NEBL: variants seen among roughly 807,000 people sequenced by gnomAD.
NEBL encodes LIM and SH3 protein 2.
A neutral mutation model predicts 140.2 loss-of-function variants in NEBL; 122 were observed. That is an observed-to-expected ratio of 0.87 (90% CI 0.75 to 1.01). The LOEUF (loss-of-function observed/expected upper bound fraction) is 1.01, where lower values mean the gene tolerates loss of function less well. Ranked by LOEUF, NEBL falls within the 50% of genes least tolerant of loss-of-function variation. The pLI is 0.00. For missense variants in NEBL, 1,365 were observed against 1,231.3 expected (o/e 1.11, Z -1.62); for synonymous variants, 436 against 398.9 (o/e 1.09, Z -1.11).
chr10:21,028,554 A>G (rs964759743), intron 2 of NEBL, among the ~76,000 whole-genome samples: 13 of 152,216 alleles, frequency 8.5e-5, no homozygotes, highest in African/African-American at 3.1e-4. Flanking sequence ...ATACTGGACA[A>G]TAAGTTGAGA....
intron 24 of NEBL, 51 bp from the exon 25 acceptor site, chr10:20,809,949 G>T: frequency 2.4e-5 from 14 of 586,432 alleles, no homozygotes; most frequent in Non-Finnish European, 2.8e-5. Context: ...ATTTAAAAAA[G>T]GAAAAAAAAA....
At chr10:20,886,112 C>A (rs1794690319) in intron 4 of NEBL, among the ~76,000 whole-genome samples, 1 of 152,156 alleles carries the variant, frequency 6.6e-6, no homozygotes, top group African/African-American at 2.4e-5. Context: ...ATAGGTGCAG[C>A]AAATCACCAT....
chr10:21,122,676 G>T (rs1442155958), intron 2 of NEBL, among the ~76,000 whole-genome samples: 1 of 152,156 alleles, frequency 6.6e-6, no homozygotes, highest in African/African-American at 2.4e-5. Flanking sequence ...TGGGTTTGGA[G>T]ATCTGAAGTT....
chr10:21,174,056 T>TCGGCTC (rs545718319), exon 1 of NEBL: 90 of 1,114,064 alleles, frequency 8.1e-5, no homozygotes, highest in African/African-American at 1.0e-4. Context: ...GCGCTGGGTC[T>TCGGCTC]CGGCTCCGGC....
chr10:20,961,521 G>T (rs1038799266), intron 4 of NEBL: 21 of 719,034 alleles, frequency 2.9e-5, no homozygotes, highest in African/African-American at 2.4e-4. Context: ...AGAGGGCAGG[G>T]TTTACCAGAT....
intron 2 of NEBL, among the ~76,000 whole-genome samples, chr10:21,154,661 C>T (rs1228370663): frequency 6.6e-6 from 1 of 152,162 alleles, no homozygotes; most frequent in Non-Finnish European, 1.5e-5. Flanking sequence ...TGGATGTGCA[C>T]TTTCCTCAAT....
At chr10:20,829,775 G>C (rs1223316614) in intron 16 of NEBL, among the ~76,000 whole-genome samples, 1 of 152,004 alleles carries the variant, frequency 6.6e-6, no homozygotes, top group East Asian at 1.9e-4. Context: ...GACAGCTCAG[G>C]CACCTTCACT....
intron 2 of NEBL, among the ~76,000 whole-genome samples, chr10:21,050,804 G>T (rs1834746255): frequency 6.6e-6 from 1 of 151,892 alleles, no homozygotes; most frequent in Non-Finnish European, 1.5e-5. Context: ...CTCATCCTAT[G>T]TAGAATGCAG....
chr10:21,249,252 T>C (rs1031535828), intron 2 of NEBL, among the ~76,000 whole-genome samples: 1 of 152,174 alleles, frequency 6.6e-6, no homozygotes, highest in African/African-American at 2.4e-5. Flanking sequence ...GTTATTTATA[T>C]ATTCTGGATA....
At chr10:20,845,940 A>G (rs73607527) in intron 11 of NEBL, among the ~76,000 whole-genome samples, 3,157 of 152,224 alleles carry the variant, frequency 0.021, 111 homozygotes, top group African/African-American at 0.072. Flanking sequence ...GTTTGATATG[A>G]ATGAAGTTGT....
chr10:20,859,797 T>C lies in NEBL; in HGVS notation c.714A>G (p.Glu238=), dbSNP rs1564393540. Residue 238 remains glutamate (E), a synonymous_variant, in exon 8 of 28, where the codon GAA becomes GAG. Transcript: ENST00000377122. ...QIKYKEKFDN[E]MKDKKHHYNP... is the part of the protein sequence containing the mutation. ...TGTAATGATGTTTCTTATCCTTCATTTCATTATCAAATTTTTCTTTGTATT... is the reference window on the plus strand; with the variant it reads ...TGTAATGATGTTTCTTATCCTTCATCTCATTATCAAATTTTTCTTTGTATT... The C allele has an allele frequency of 1.3e-6, 2 of 1,577,912 alleles. No individual in the cohort carries two copies. Among genetic ancestry groups the C allele is most frequent in the Admixed American group, 3.4e-5 (2 of 59,082 alleles).
intron 2 of NEBL, among the ~76,000 whole-genome samples, chr10:21,086,175 G>A (rs1342191988): frequency 6.6e-6 from 1 of 152,160 alleles, no homozygotes; most frequent in Non-Finnish European, 1.5e-5. Flanking sequence ...TAAAGAGTTC[G>A]ACTCCGTGTT....
rs184582439 is a variant in NEBL, at chr10:21,230,556, G to T, written n.348+17365C>A. Among the ~76,000 whole-genome samples the T allele has an allele frequency of 1.1e-3, 162 of 151,446 alleles. 2 individuals carry two copies. The highest frequency in any genetic ancestry group is 3.8e-3 in the African/African-American group (157 of 41,324). ...CCCTTTTGTTTTGAGAGAAAATGGA[G>T]GAACTCTACTTGAATTTTAAGCTTA... On this transcript the variant is annotated intron_variant and non_coding_transcript_variant, in intron 3 of 8. Coordinates refer to the NEBL transcript ENST00000675702.
chr10:20,892,473 G>C (rs951355899), intron 2 of NEBL, among the ~76,000 whole-genome samples: 2 of 152,112 alleles, frequency 1.3e-5, no homozygotes. Context: ...ACCTACCTCC[G>C]GGCTTTATAT....
chr10:21,192,153 A>T (rs1438141825), intron 3 of NEBL, among the ~76,000 whole-genome samples: 1 of 151,530 alleles, frequency 6.6e-6, no homozygotes, highest in Non-Finnish European at 1.5e-5. Flanking sequence ...CACTTCATTC[A>T]TTCATTCACT....
chr10:21,177,146 A>T (rs1841313451), upstream of NEBL, among the ~76,000 whole-genome samples: 1 of 152,196 alleles, frequency 6.6e-6, no homozygotes, highest in South Asian at 2.1e-4. Flanking sequence ...CGGCCAATGG[A>T]ATGTGAGTGG....
intron 1 of NEBL, among the ~76,000 whole-genome samples, chr10:21,254,158 G>T (rs1289111944): frequency 6.6e-6 from 1 of 152,104 alleles, no homozygotes; most frequent in African/African-American, 2.4e-5. Context: ...TATTTTTAGA[G>T]ACAGGGTCTT....
chr10:21,189,815 G>C (rs1841544379), intron 3 of NEBL, among the ~76,000 whole-genome samples: 1 of 152,156 alleles, frequency 6.6e-6, no homozygotes, highest in Admixed American at 6.5e-5. Flanking sequence ...TCTGTTAAGG[G>C]AGGTCTGAGA....
chr10:21,131,359 G>A (rs558284782), intron 2 of NEBL, among the ~76,000 whole-genome samples: 1 of 152,262 alleles, frequency 6.6e-6, no homozygotes, highest in Admixed American at 6.5e-5. Flanking sequence ...CAGAGAATAA[G>A]AGCAGAGGGA....
Sources: allele counts gnomAD v4.1 joint callset (sites outside exome capture counted in the v4.1 genomes callset), GRCh38; gene constraint gnomAD v4.1.1; transcripts MANE v1.5; gene names NCBI Gene and HGNC (gene_info 2026-07-23, HGNC 2026-07-21).